OPCML: variants seen among roughly 807,000 people sequenced by gnomAD.
The protein encoded by OPCML is opioid-binding protein/cell adhesion molecule.
Under a neutral mutation model 37.8 loss-of-function variants are expected in OPCML, and 13 were observed. The observed-to-expected ratio is 0.34, with a 90% CI of 0.22 to 0.55. The LOEUF (loss-of-function observed/expected upper bound fraction) is 0.55, where lower values mean the gene tolerates loss of function less well. Among genes scored for constraint, OPCML ranks in the 20% least tolerant of loss-of-function variants. OPCML has a pLI of 0.91. For missense variants in OPCML, 341 were observed against 435.6 expected (o/e 0.78, Z 1.93); for synonymous variants, 176 against 168.8 (o/e 1.04, Z -0.33).
chr11:132,914,684 G>A (rs908494969), intron 2 of OPCML, among the ~76,000 whole-genome samples: 1 of 152,196 alleles, frequency 6.6e-6, no homozygotes, highest in African/African-American at 2.4e-5. Context: ...CGAACTGCCT[G>A]TGGTTTGGCT....
intron 3 of OPCML, among the ~76,000 whole-genome samples, chr11:132,535,997 C>G (rs2096339783): frequency 6.6e-6 from 1 of 152,094 alleles, no homozygotes; most frequent in African/African-American, 2.4e-5. Flanking sequence ...TGAATCAGAA[C>G]AGGAAGCAAT....
At chr11:132,890,856 C>CAAAAAA (rs57246769) in intron 2 of OPCML, among the ~76,000 whole-genome samples, 1 of 46,470 alleles carries the variant, frequency 2.2e-5, no homozygotes, top group Non-Finnish European at 4.9e-5. Context: ...GACTCCATCT[C>CAAAAAA]AAAAAAAAAA....
At chr11:132,758,752 A>G (rs1239849145) in intron 2 of OPCML, among the ~76,000 whole-genome samples, 1 of 152,158 alleles carries the variant, frequency 6.6e-6, no homozygotes, top group African/African-American at 2.4e-5. Flanking sequence ...GCAAACGGAG[A>G]CATTTTGACT....
intron 1 of OPCML, among the ~76,000 whole-genome samples, chr11:133,202,399 T>C (rs1408107572): frequency 1.3e-5 from 2 of 152,218 alleles, no homozygotes; most frequent in Non-Finnish European, 2.9e-5. Context: ...ACTGGACTCA[T>C]GGCTTCTATG....
chr11:133,298,508 A>G (rs1242839187), intron 1 of OPCML: 1 of 152,168 alleles, frequency 6.6e-6, no homozygotes, highest in Admixed American at 6.5e-5. Context: ...CCCAAGGAAA[A>G]CTTGACTAGA....
At chr11:133,252,897 C>T (rs567792734) in intron 1 of OPCML, among the ~76,000 whole-genome samples, 1 of 152,216 alleles carries the variant, frequency 6.6e-6, no homozygotes. Flanking sequence ...CCTGTAATCC[C>T]AGCACTTTGG....
At chr11:133,216,464 C>T (rs756149663) in intron 1 of OPCML, among the ~76,000 whole-genome samples, 3 of 152,330 alleles carry the variant, frequency 2.0e-5, no homozygotes, top group African/African-American at 4.8e-5. Context: ...TTTCTACCAA[C>T]CCAAGAGAAT....
chr11:132,723,010 C>G (rs1031900303), intron 2 of OPCML, among the ~76,000 whole-genome samples: 27 of 152,144 alleles, frequency 1.8e-4, no homozygotes, highest in African/African-American at 6.5e-4. Flanking sequence ...TATTCTGGAG[C>G]TGCCTCTGCT....
chr11:133,300,606 A>T (rs1942753287), intron 1 of OPCML: 1 of 152,200 alleles, frequency 6.6e-6, no homozygotes, highest in Admixed American at 6.5e-5. Context: ...TCGTGTGGTG[A>T]GCGGAATAAT....
chr11:132,512,300 T>C (rs548426494), intron 4 of OPCML, among the ~76,000 whole-genome samples: 1 of 152,224 alleles, frequency 6.6e-6, no homozygotes, highest in African/African-American at 2.4e-5. Flanking sequence ...TTTGGTGGCT[T>C]TTTGTAACGT....
At chr11:133,293,696 A>C (rs1156871680) in intron 1 of OPCML, among the ~76,000 whole-genome samples, 1 of 152,122 alleles carries the variant, frequency 6.6e-6, no homozygotes, top group Non-Finnish European at 1.5e-5. Flanking sequence ...TTTACCCCAA[A>C]GAAGAAAGGA....
chr11:132,552,360 TG>T (rs1486936799), intron 3 of OPCML, among the ~76,000 whole-genome samples: 2 of 152,222 alleles, frequency 1.3e-5, no homozygotes, highest in Non-Finnish European at 2.9e-5. Context: ...CACTGAAAAG[TG>T]AAAATGTTCT....
At chr11:133,131,674 A>G (rs963005289) in intron 1 of OPCML, among the ~76,000 whole-genome samples, 2 of 152,214 alleles carry the variant, frequency 1.3e-5, no homozygotes, top group Non-Finnish European at 2.9e-5. Context: ...ATTTACCTAA[A>G]TGAGTTAAAT....
chr11:133,445,848 C>T (rs77050690), intron 1 of OPCML, among the ~76,000 whole-genome samples: 1 of 151,642 alleles, frequency 6.6e-6, no homozygotes, highest in African/African-American at 2.4e-5. Context: ...GATTTAAATG[C>T]AATGTTGGTG....
chr11:133,087,885 C>T (rs1948840265), intron 1 of OPCML, among the ~76,000 whole-genome samples: 1 of 152,212 alleles, frequency 6.6e-6, no homozygotes, highest in South Asian at 2.1e-4. Context: ...GGGCACTCAG[C>T]TCTCTTACTA....
chr11:132,737,209 G>T (rs898323323), intron 2 of OPCML, among the ~76,000 whole-genome samples: 4 of 152,172 alleles, frequency 2.6e-5, no homozygotes, highest in African/African-American at 9.7e-5. Flanking sequence ...AATGAGAGTA[G>T]AAAGCGTAGT....
chr11:133,077,401 T>C (rs934585997), intron 1 of OPCML, among the ~76,000 whole-genome samples: 5 of 152,084 alleles, frequency 3.3e-5, no homozygotes, highest in Non-Finnish European at 5.9e-5. Flanking sequence ...AAGAGTAAAA[T>C]AAAGCAAGAT....
intron 2 of OPCML, among the ~76,000 whole-genome samples, chr11:132,838,852 C>T (rs7119787): frequency 6.6e-6 from 1 of 152,026 alleles, no homozygotes; most frequent in Non-Finnish European, 1.5e-5. Flanking sequence ...CAGGAGATGA[C>T]TCAGCACCAG....
At chr11:132,613,810 T>C (rs1169992705) in intron 3 of OPCML, among the ~76,000 whole-genome samples, 2 of 152,146 alleles carry the variant, frequency 1.3e-5, no homozygotes, top group African/African-American at 2.4e-5. Context: ...AAATTATGGT[T>C]GCTGGTGAAA....
Sources: allele counts gnomAD v4.1 joint callset (sites outside exome capture counted in the v4.1 genomes callset), GRCh38; gene constraint gnomAD v4.1.1; transcripts MANE v1.5; gene names NCBI Gene and HGNC (gene_info 2026-07-23, HGNC 2026-07-21).